COL4A2: variants seen among roughly 807,000 people sequenced by gnomAD.
COL4A2 encodes collagen type IV alpha 2 chain.
COL4A2 carries 99 observed loss-of-function variants against 200.2 expected under a neutral mutation model. The ratio of observed to expected loss-of-function variants is 0.49; its 90% confidence interval spans 0.42 to 0.58. The LOEUF (loss-of-function observed/expected upper bound fraction) is 0.58, where lower values mean the gene tolerates loss of function less well. Ranked by LOEUF, COL4A2 falls within the 20% of genes least tolerant of loss-of-function variation. The pLI, the probability that COL4A2 is intolerant of heterozygous loss-of-function variation, is 0.00. For missense variants in COL4A2, 1,950 were observed against 2,314.1 expected (o/e 0.84, Z 3.23); for synonymous variants, 897 against 900.6 (o/e 1.00, Z 0.07).
At chr13:110,408,825 GCACA>G (rs368878594) in intron 4 of COL4A2, among the ~76,000 whole-genome samples, 2 of 125,514 alleles carry the variant, frequency 1.6e-5, no homozygotes, top group Admixed American at 1.6e-4. Flanking sequence ...ACACACACAT[GCACA>G]CACACATACA....
intron 2 of COL4A2, 21 bp from the exon 3 acceptor site, chr13:110,308,048 C>CT: frequency 6.2e-7 from 1 of 1,613,686 alleles, no homozygotes; most frequent in Non-Finnish European, 8.5e-7. Flanking sequence ...TCACGTCTCT[C>CT]TTCCTCCCTT....
At chr13:110,337,219 G>A (rs931117129) in intron 3 of COL4A2, among the ~76,000 whole-genome samples, 3 of 152,224 alleles carry the variant, frequency 2.0e-5, no homozygotes, top group Admixed American at 6.5e-5. Context: ...GGGCATGGGC[G>A]CCGGAAGTTT....
chr13:110,402,808 C>T (rs946577376), intron 4 of COL4A2, among the ~76,000 whole-genome samples: 1 of 152,190 alleles, frequency 6.6e-6, no homozygotes, highest in Non-Finnish European at 1.5e-5. Flanking sequence ...CAGAAGTTCT[C>T]CAGGGCATCC....
At chr13:110,310,501 G>A (rs1884945885) in intron 3 of COL4A2, among the ~76,000 whole-genome samples, 1 of 152,116 alleles carries the variant, frequency 6.6e-6, no homozygotes, top group South Asian at 2.1e-4. Flanking sequence ...ATTTTACTAG[G>A]GACCTAGTAA....
intron 4 of COL4A2, among the ~76,000 whole-genome samples, chr13:110,414,446 G>A (rs776493801): frequency 7.9e-5 from 12 of 152,214 alleles, no homozygotes; most frequent in Non-Finnish European, 5.9e-5. Context: ...TACTTTGGCG[G>A]CCAGCCCAGG....
rs9583485 is a variant in COL4A2, at chr13:110,332,650, G to T, written c.99+24527G>T. On this transcript the variant is annotated intron_variant, in intron 3 of 47. Coordinates refer to ENST00000360467, the MANE Select transcript of COL4A2 (RefSeq NM_001846.4). ...AGAAACGTTGGGCCCACGGAAATAT[G>T]AATTCATCCAGATTTCTACTGTGTT... is the stretch of plus-strand genomic sequence containing the variant. Among the ~76,000 whole-genome samples the T allele has an allele frequency of 9.6e-3, 1,461 of 152,282 alleles. 20 individuals carry two copies. Among genetic ancestry groups the T allele is most frequent in the African/African-American group, 0.034 (1,415 of 41,550 alleles).
chr13:110,385,529 G>GTGTGGATAGA (rs1470447649), intron 4 of COL4A2, among the ~76,000 whole-genome samples: 15 of 104,742 alleles, frequency 1.4e-4, no homozygotes, highest in Admixed American at 3.1e-4. Flanking sequence ...TGGTTACAGT[G>GTGTGGATAGA]CGTGGATAGG....
intron 39 of COL4A2, among the ~76,000 whole-genome samples, chr13:110,494,139 C>T (rs958002990): frequency 6.6e-6 from 1 of 152,202 alleles, no homozygotes; most frequent in South Asian, 2.1e-4. Flanking sequence ...CTGTAGCACA[C>T]ATTTTTCCCT....
At chr13:110,454,653 C>T (rs962785297) in intron 20 of COL4A2, among the ~76,000 whole-genome samples, 5 of 152,162 alleles carry the variant, frequency 3.3e-5, no homozygotes, top group South Asian at 2.1e-4. Context: ...CCTCCACTCC[C>T]GGGAAATCCC....
At chr13:110,499,797 A>G (rs1488353119) in intron 40 of COL4A2, among the ~76,000 whole-genome samples, 1 of 152,240 alleles carries the variant, frequency 6.6e-6, no homozygotes, top group African/African-American at 2.4e-5. Flanking sequence ...AACAGTCCTC[A>G]TCACTGCAGT....
intron 16 of COL4A2, among the ~76,000 whole-genome samples, chr13:110,445,300 T>A (rs968574509): frequency 1.2e-4 from 19 of 152,136 alleles, no homozygotes; most frequent in African/African-American, 4.3e-4. Context: ...CGATCAATCA[T>A]AAAAGCAACC....
At chr13:110,426,569 C>T (rs972193601) in intron 6 of COL4A2, among the ~76,000 whole-genome samples, 2 of 152,132 alleles carry the variant, frequency 1.3e-5, no homozygotes, top group African/African-American at 2.4e-5. Context: ...ATATAAGAAG[C>T]GATATGCAGT....
At position 110,375,787 on chromosome 13, in the gene COL4A2, G is replaced by A. The variant is rs113802970; in HGVS notation, c.180+18235G>A. On this transcript the variant is annotated intron_variant, in intron 4 of 47. Coordinates refer to ENST00000360467, the MANE Select transcript of COL4A2 (RefSeq NM_001846.4). ...GGAGGCTGCAGTGAGCCAAGATCAC[G>A]CCGCTGCACTCCAGCCTGGATGACA... Among the ~76,000 whole-genome samples, 1,095 of 151,840 alleles carry A rather than the reference G, an allele frequency of 7.2e-3. 19 individuals are homozygous for A. Among genetic ancestry groups the A allele is most frequent in the African/African-American group, 0.025 (1,024 of 41,372 alleles).
At position 110,441,687 on chromosome 13, in the gene COL4A2, C is replaced by T. The variant is rs557929108; in HGVS notation, c.957+1854C>T. 7.2e-5 allele frequency among the ~76,000 whole-genome samples: 11 copies of T among 152,248 alleles called. No homozygotes were observed. The South Asian group carries it at 1.9e-3, about 26-fold the overall frequency. On this transcript the variant is annotated intron_variant, in intron 16 of 47. Transcript: ENST00000360467. ...CAGACATTATCGTTCAAAAGTAACCCGTTTCCACCTACCCCATGTGATTAA... is the reference window on the plus strand; with the variant it reads ...CAGACATTATCGTTCAAAAGTAACCTGTTTCCACCTACCCCATGTGATTAA...
Position 110,503,439 on chromosome 13 carries a change from G to A in COL4A2, c.4096G>A (p.Asp1366Asn), listed in dbSNP as rs558814304. 1.7e-4 allele frequency: 268 copies of A among 1,586,602 alleles called. No homozygotes were observed. In the East Asian group the frequency reaches 4.4e-3, roughly 26 times the overall value. ...CACTGGACCCACTGGGGCGGTGGGC[G>A]ACAGAGGCCCCAAGGGACCCAAGGG... ...GNTGPTGAVG[D>N]RGPKGPKGDP... The change falls in exon 43 of 48, where the codon GAC (aspartate) becomes AAC (asparagine). Residue 1366 changes from aspartate (D) to asparagine (N), a missense_variant. By Grantham distance (23) the Asp-to-Asn change is conservative. This residue lies in a region of COL4A2 where 1,385 missense variants were observed against 1,720.5 expected (regional missense o/e 0.80). Transcript: ENST00000360467.
At position 110,434,243 on chromosome 13, in the gene COL4A2, T is replaced by C. The variant is rs571586955; in HGVS notation, c.685-158T>C. 1.6e-4 allele frequency among the ~76,000 whole-genome samples: 24 copies of C among 152,242 alleles called. 1 individual carries two copies. Among genetic ancestry groups the C allele is most frequent in the Non-Finnish European group, 3.2e-4 (22 of 68,038 alleles). On this transcript the variant is annotated intron_variant, in intron 11 of 47. Coordinates refer to ENST00000360467, the MANE Select transcript of COL4A2 (RefSeq NM_001846.4). ...GTCAACTGACATGACAAACTGTCAA[T>C]TAGTTTCTACAATGCAAAGCAAGAA...
chr13:110,391,620 C>T lies in COL4A2; in HGVS notation c.181-33114C>T, dbSNP rs866538510. 1.6e-4 allele frequency among the ~76,000 whole-genome samples: 24 copies of T among 152,354 alleles called. No homozygotes were observed. In the South Asian group the frequency reaches 1.7e-3, roughly 11 times the overall value. On this transcript the variant is annotated intron_variant, in intron 4 of 47. Coordinates refer to ENST00000360467, the MANE Select transcript of COL4A2 (RefSeq NM_001846.4). ...GAAAATTGGCTCTACCGCTTACTAG[C>T]GCGATGCCCTTGAGTAATTCTCTAA...
intron 45 of COL4A2, among the ~76,000 whole-genome samples, chr13:110,505,470 A>C (rs1224014720): frequency 6.6e-6 from 1 of 152,202 alleles, no homozygotes; most frequent in Non-Finnish European, 1.5e-5. Flanking sequence ...TGTGGGGTGC[A>C]CCTGAAAACA....
intron 28 of COL4A2, among the ~76,000 whole-genome samples, chr13:110,471,249 G>T (rs1882458181): frequency 6.6e-6 from 1 of 152,214 alleles, no homozygotes; most frequent in Admixed American, 6.5e-5. Flanking sequence ...CCTGTAGGGG[G>T]GAATGGATGG....
Sources: allele counts gnomAD v4.1 joint callset (sites outside exome capture counted in the v4.1 genomes callset), GRCh38; gene constraint gnomAD v4.1.1; regional missense constraint gnomAD v4.1.1; transcripts MANE v1.5; gene names NCBI Gene and HGNC (gene_info 2026-07-23, HGNC 2026-07-21).